CHN2: variants seen among roughly 807,000 people sequenced by gnomAD.
The protein encoded by CHN2 is beta-chimaerin.
A neutral mutation model predicts 56.3 loss-of-function variants in CHN2; 35 were observed. The ratio of observed to expected loss-of-function variants is 0.62; its 90% CI spans 0.47 to 0.82. CHN2 has a LOEUF of 0.82. Among genes scored for constraint, CHN2 ranks in the 40% least tolerant of loss-of-function variants. The pLI, the probability that CHN2 is intolerant of heterozygous loss-of-function variation, is 0.00. For synonymous variants in CHN2, 210 were observed against 212.8 expected, an observed-to-expected ratio of 0.99 and a Z score of 0.12; for missense variants, 491 against 580.5, an observed-to-expected ratio of 0.85 and a Z score of 1.58.
chr7:29,270,039 C>T (rs1172470932), intron 1 of CHN2, among the ~76,000 whole-genome samples: 2 of 152,212 alleles, frequency 1.3e-5, no homozygotes, highest in Non-Finnish European at 2.9e-5. Context: ...GAAACACTTC[C>T]TGCTATGTAT....
intron 1 of CHN2, among the ~76,000 whole-genome samples, chr7:29,323,750 C>T (rs1036528774): frequency 2.8e-4 from 43 of 151,964 alleles, no homozygotes; most frequent in African/African-American, 1.0e-3. Context: ...GTAATTCCAG[C>T]ACTTTGGGAG....
chr7:29,221,541 G>A (rs575877080), intron 1 of CHN2, among the ~76,000 whole-genome samples: 1 of 152,202 alleles, frequency 6.6e-6, no homozygotes, highest in South Asian at 2.1e-4. Flanking sequence ...TGCCATGGTG[G>A]TTTGCTACAC....
chr7:29,354,511 C>T, intron 1 of CHN2, 114 bp from the exon 2 acceptor site: 2 of 888,516 alleles, frequency 2.3e-6, no homozygotes, highest in Non-Finnish European at 3.6e-6. Flanking sequence ...AGAGAGTCCC[C>T]CTGAGACCCG....
At chr7:29,237,398 A>T (rs542368581) in intron 1 of CHN2, among the ~76,000 whole-genome samples, 8 of 152,320 alleles carry the variant, frequency 5.3e-5, no homozygotes, top group African/African-American at 1.7e-4. Flanking sequence ...TTCAAACCGC[A>T]TATTTTTGGA....
intron 6 of CHN2, among the ~76,000 whole-genome samples, chr7:29,436,108 C>T (rs897984919): frequency 1.3e-5 from 2 of 152,008 alleles, no homozygotes; most frequent in African/African-American, 4.8e-5. Flanking sequence ...AGTTGGAGAC[C>T]ATAGAATACT....
intron 9 of CHN2, among the ~76,000 whole-genome samples, chr7:29,501,115 C>T (rs1340127245): frequency 2.3e-4 from 2 of 8,808 alleles, no homozygotes; most frequent in African/African-American, 1.4e-3. Flanking sequence ...TGGTCAACTA[C>T]CCCATTTTTC....
chr7:29,491,853 T>C (rs1788701775), intron 7 of CHN2, among the ~76,000 whole-genome samples: 1 of 152,206 alleles, frequency 6.6e-6, no homozygotes, highest in African/African-American at 2.4e-5. Flanking sequence ...GACTTCTTCA[T>C]CCCCTTCAAA....
intron 3 of CHN2, among the ~76,000 whole-genome samples, chr7:29,380,038 G>A (rs1800369053): frequency 6.6e-6 from 1 of 152,124 alleles, no homozygotes; most frequent in African/African-American, 2.4e-5. Context: ...AATGAGTGCT[G>A]GCCCTGATAT....
intron 1 of CHN2, among the ~76,000 whole-genome samples, chr7:29,279,111 C>G (rs559613135): frequency 6.6e-6 from 1 of 152,290 alleles, no homozygotes; most frequent in Admixed American, 6.5e-5. Context: ...AGGGATTCAG[C>G]ACATCAGTTT....
At chr7:29,149,166 A>G (rs1383231053) in intron 2 of CHN2, among the ~76,000 whole-genome samples, 1 of 146,088 alleles carries the variant, frequency 6.8e-6, no homozygotes, top group African/African-American at 2.5e-5. Context: ...GTTCAAAATT[A>G]GTAGATTGGG....
At chr7:29,429,931 T>C (rs1782709758) in intron 6 of CHN2, among the ~76,000 whole-genome samples, 1 of 152,184 alleles carries the variant, frequency 6.6e-6, no homozygotes, top group African/African-American at 2.4e-5. Context: ...GCTGTTTGTG[T>C]TATAATTAAT....
rs914615347 is a variant in CHN2, at chr7:29,408,202, T to A, written c.576+7374T>A. On this transcript the variant is annotated intron_variant, in intron 6 of 12. Coordinates refer to ENST00000222792, the MANE Select transcript of CHN2 (RefSeq NM_004067.4). ...GAGACTCAGTATCAAAAAAAAAAAA[T>A]AAATTAAATTAAAAAATATATATTA... 4.4e-3 allele frequency among the ~76,000 whole-genome samples: 589 copies of A among 135,374 alleles called. 5 individuals carry two copies. Among genetic ancestry groups the A allele is most frequent in the African/African-American group, 0.015 (555 of 36,124 alleles). The allele number at this position is 135,374 out of a possible 152,430, so 88.8% of individuals were successfully genotyped here.
At chr7:29,209,935 G>A (rs1199006275) in intron 1 of CHN2, among the ~76,000 whole-genome samples, 1 of 152,188 alleles carries the variant, frequency 6.6e-6, no homozygotes. Context: ...GGTGCGTAAA[G>A]ATCACTGGAT....
chr7:29,317,912 C>T (rs563900948), intron 1 of CHN2, among the ~76,000 whole-genome samples: 15 of 152,146 alleles, frequency 9.9e-5, no homozygotes, highest in African/African-American at 2.7e-4. Context: ...TGAGCCCAGG[C>T]GGCAGAGGTT....
intron 1 of CHN2, among the ~76,000 whole-genome samples, chr7:29,302,500 CTTTTTTTTTTTTT>C (rs70980525): frequency 2.9e-4 from 34 of 117,784 alleles, no homozygotes; most frequent in Non-Finnish European, 4.8e-4. Flanking sequence ...AATTTTAATT[CTTTTTTTTTTTTT>C]TTTTTTTTTA....
At chr7:29,228,590 A>G (rs1786416174) in intron 1 of CHN2, among the ~76,000 whole-genome samples, 1 of 152,272 alleles carries the variant, frequency 6.6e-6, no homozygotes, top group Non-Finnish European at 1.5e-5. Context: ...AATACGCATC[A>G]TAAACATATA....
At chr7:29,263,285 C>A (rs535861624) in intron 1 of CHN2, among the ~76,000 whole-genome samples, 2 of 152,218 alleles carry the variant, frequency 1.3e-5, no homozygotes, top group African/African-American at 4.8e-5. Flanking sequence ...CCGCCTCGGC[C>A]TCCCGAGGTG....
At chr7:29,221,264 A>G (rs756257068) in intron 1 of CHN2, among the ~76,000 whole-genome samples, 14 of 152,246 alleles carry the variant, frequency 9.2e-5, no homozygotes, top group African/African-American at 1.4e-4. Flanking sequence ...GTTTTCCACA[A>G]ATGATGTAAT....
At chr7:29,365,609 CAT>C (rs1447940206) in intron 2 of CHN2, among the ~76,000 whole-genome samples, 1 of 152,092 alleles carries the variant, frequency 6.6e-6, no homozygotes, top group African/African-American at 2.4e-5. Flanking sequence ...AGGAAGATGT[CAT>C]AGACAGAAGG....
Sources: gnomAD v4.1 joint callset for allele counts (sites outside exome capture counted in the v4.1 genomes callset) on GRCh38, gnomAD v4.1.1 for gene constraint, MANE v1.5 for transcripts, NCBI Gene and HGNC (gene_info 2026-07-23, HGNC 2026-07-21) for gene names.